HMCES: variants seen among roughly 807,000 people sequenced by gnomAD.
HMCES encodes abasic site processing protein HMCES.
HMCES carries 27 observed loss-of-function variants against 35.1 expected under a neutral mutation model. That is an observed-to-expected ratio of 0.77 (90% CI 0.57 to 1.06). HMCES has a LOEUF of 1.06. Among genes scored for constraint, HMCES ranks in the 50% least tolerant of loss-of-function variants. The pLI, the probability that HMCES is intolerant of heterozygous loss-of-function variation, is 0.00. For synonymous variants in HMCES, 130 were observed against 154.7 expected (o/e 0.84, Z 1.18); for missense variants, 391 against 430.4 (o/e 0.91, Z 0.81).
Position 129,302,097 on chromosome 3 carries a change from C to G in HMCES, c.783C>G (p.Asn261Lys). The change falls in exon 6 of 7, where the codon AAC becomes AAG. Residue 261 changes from asparagine to lysine, a missense_variant. Physicochemically the swap from Asn to Lys is moderately conservative, Grantham distance 94 (BLOSUM62 0). Transcript: ENST00000383463. ...AVSSVVNNSRNNTPECLAPVD... is the reference protein window; with the variant it reads ...AVSSVVNNSRKNTPECLAPVD... Reference sequence around the variant, plus strand: ...CTTCTGTGGTGAACAACTCGCGAAACAACACTCCTGAGTGTCTGGCTCCTG... The same window carrying G: ...CTTCTGTGGTGAACAACTCGCGAAAGAACACTCCTGAGTGTCTGGCTCCTG... The G allele has an allele frequency of 6.2e-7, 1 of 1,614,136 alleles. No homozygotes were observed. The highest frequency in any genetic ancestry group is 8.5e-7 in the Non-Finnish European group (1 of 1,179,998).
At chr3:129,280,942 G>T in intron 2 of HMCES, among the ~76,000 whole-genome samples, 1 of 152,254 alleles carries the variant, frequency 6.6e-6, no homozygotes, top group South Asian at 2.1e-4. Context: ...CGTGATTGTT[G>T]GCTGGGCACG....
intron 3 of HMCES, 28 bp downstream of exon 3, chr3:129,289,025 C>T (rs751798380): frequency 6.7e-6 from 10 of 1,498,038 alleles, no homozygotes; most frequent in Admixed American, 1.8e-5. Flanking sequence ...ATTAGTGCCC[C>T]GTATACCTCA....
At position 129,298,362 on chromosome 3, in the gene HMCES, C is replaced by G. The variant is rs1333699352; in HGVS notation, c.462C>G (p.Ser154Arg). Residue 154 changes from serine to arginine, a missense_variant, in exon 5 of 7, where the codon AGC becomes AGG. Coordinates refer to ENST00000383463, the MANE Select transcript of HMCES (RefSeq NM_020187.3). Reference protein sequence around the residue: ...FPQIKTEKSGSIGAADSPENW... With the variant: ...FPQIKTEKSGRIGAADSPENW... ...ATATATTTTGCTTCCAGTCAGGTAGCATTGGTGCTGCAGATAGTCCTGAGA... is the reference window on the plus strand; with the variant it reads ...ATATATTTTGCTTCCAGTCAGGTAGGATTGGTGCTGCAGATAGTCCTGAGA... 3 of 1,614,186 alleles carry G rather than the reference C, an allele frequency of 1.9e-6. No homozygotes were observed. The highest frequency in any genetic ancestry group is 2.2e-5 in the East Asian group (1 of 44,890).
intron 4 of HMCES, among the ~76,000 whole-genome samples, chr3:129,293,861 G>A (rs963698857): frequency 2.0e-5 from 3 of 152,004 alleles, no homozygotes; most frequent in Non-Finnish European, 4.4e-5. Context: ...GAGCTACTGC[G>A]CCTGGACTTG....
intron 2 of HMCES, among the ~76,000 whole-genome samples, chr3:129,281,462 G>T (rs1482269735): frequency 6.6e-6 from 1 of 151,896 alleles, no homozygotes; most frequent in Non-Finnish European, 1.5e-5. Context: ...AGGCCAAGAC[G>T]GCTGGACCAC....
rs1392389194 is a variant in HMCES, at chr3:129,304,720, G to C, written c.960G>C (p.Gln320His). ...CCCAGTGGTCCAGTCAGTTCCTGCA[G>C]AAGAGTCCACTCCCCACCAAGAGAG... ...DVPQWSSQFL[Q>H]KSPLPTKRGT... Residue 320 changes from glutamine (Q) to histidine (H), a missense_variant, in exon 7 of 7, where the codon CAG (glutamine) becomes CAC (histidine). By Grantham distance (24) the Gln-to-His change is conservative (BLOSUM62 0). Coordinates refer to ENST00000383463, the MANE Select transcript of HMCES (RefSeq NM_020187.3). The C allele has an allele frequency of 1.2e-6, 2 of 1,614,172 alleles. No individual in the cohort carries two copies. The highest frequency in any genetic ancestry group is 1.1e-5 in the South Asian group (1 of 91,072).
intron 2 of HMCES, among the ~76,000 whole-genome samples, chr3:129,282,893 A>G (rs1405814700): frequency 6.6e-6 from 1 of 152,128 alleles, no homozygotes; most frequent in African/African-American, 2.4e-5. Context: ...CTTTTCAACT[A>G]CTTTCTATTC....
At chr3:129,298,705 C>T (rs942954670) in intron 5 of HMCES, among the ~76,000 whole-genome samples, 170 bp downstream of exon 5, 4 of 151,864 alleles carry the variant, frequency 2.6e-5, no homozygotes, top group African/African-American at 4.8e-5. Flanking sequence ...CTATGCAAAA[C>T]GATAGAATAA....
In HMCES at chr3:129,279,739, G is replaced by A. The variant is rs1462010632; in HGVS notation, c.7G>A (p.Gly3Arg). 6.2e-7 allele frequency: 1 copy of A among 1,612,780 alleles called. No homozygotes were observed. Among genetic ancestry groups the A allele is most frequent in the African/African-American group, 1.3e-5 (1 of 74,880 alleles). The change falls in exon 2 of 7, where the codon GGG (glycine) becomes AGG (arginine). Residue 3 changes from glycine to arginine, a missense_variant. Gly to Arg is a moderately radical substitution (Grantham distance 125, BLOSUM62 -2). Coordinates refer to ENST00000383463, the MANE Select transcript of HMCES (RefSeq NM_020187.3). This position sits in a 1 kb window ranked among gnomAD's most constrained non-coding sequence, Gnocchi z 4.2. MC[G>R]RTSCHLPRDV... ...CGAGGGGCGGTGTTGAAGAATGTGTGGGCGAACATCCTGTCACTTACCTAG... is the reference window on the plus strand; with the variant it reads ...CGAGGGGCGGTGTTGAAGAATGTGTAGGCGAACATCCTGTCACTTACCTAG...
chr3:129,304,997 G>A lies in HMCES; in HGVS notation c.*172G>A. On this transcript the variant is annotated 3_prime_UTR_variant, in exon 7 of 7. Transcript: ENST00000383463. ...ATGAGTAGGAGCCCCTAGTGGGGCT[G>A]GTGGACAGCTTTGGAAGAGGTGTCC... 1.6e-6 allele frequency: 1 copy of A among 612,370 alleles called. No individual in the cohort carries two copies. The highest frequency in any genetic ancestry group is 2.9e-6 in the Non-Finnish European group (1 of 348,646). 37.9% of individuals were successfully genotyped at this position (612,370 alleles called of 1,614,324 possible).
chr3:129,297,392 C>A (rs566406264), intron 4 of HMCES, among the ~76,000 whole-genome samples: 2 of 152,002 alleles, frequency 1.3e-5, no homozygotes, highest in Non-Finnish European at 2.9e-5. Context: ...CTAGGCGTGA[C>A]AGGGATTATT....
chr3:129,298,347 C>T lies in HMCES; in HGVS notation c.454-7C>T. ...GCATCTAATCTGCCCATATATTTTGCTTCCAGTCAGGTAGCATTGGTGCTG... is the reference window on the plus strand; with the variant it reads ...GCATCTAATCTGCCCATATATTTTGTTTCCAGTCAGGTAGCATTGGTGCTG... On this transcript the variant is annotated splice_polypyrimidine_tract_variant and splice_region_variant and intron_variant, in intron 4 of 6. Coordinates refer to ENST00000383463, the MANE Select transcript of HMCES (RefSeq NM_020187.3). 1 of 1,614,084 alleles carries T rather than the reference C, an allele frequency of 6.2e-7. No homozygotes were observed. Among genetic ancestry groups the T allele is most frequent in the East Asian group, 2.2e-5 (1 of 44,886 alleles).
chr3:129,279,633 G>A lies in HMCES; in HGVS notation c.-23-77G>A, dbSNP rs998635992. The A allele has an allele frequency of 1.7e-5, 24 of 1,414,004 alleles. No homozygotes were observed. The African/African-American group carries it at 3.5e-4, about 20-fold the overall frequency. 87.6% of individuals were successfully genotyped at this position (1,414,004 alleles called of 1,614,324 possible). A position where few individuals can be genotyped will look rare whatever the true frequency, so the allele number is the denominator to read the frequency against. On this transcript the variant is annotated intron_variant, in intron 1 of 6. Coordinates refer to ENST00000383463, the MANE Select transcript of HMCES (RefSeq NM_020187.3). This position sits in a 1 kb window ranked among gnomAD's most constrained non-coding sequence, Gnocchi z 4.2. ...GGGCACGGCCCTGTGGGAACGGAAA[G>A]AGAAGGCGGGGACTCAAGGAATAAG... is the stretch of plus-strand genomic sequence containing the variant.
chr3:129,292,699 T>A (rs1381165258), intron 4 of HMCES, among the ~76,000 whole-genome samples: 2 of 151,694 alleles, frequency 1.3e-5, no homozygotes, highest in African/African-American at 4.8e-5. Flanking sequence ...TTAGCCAGAA[T>A]GGTCTCAATC....
chr3:129,295,531 AG>A (rs1176056591), intron 4 of HMCES, among the ~76,000 whole-genome samples: 6 of 152,092 alleles, frequency 3.9e-5, no homozygotes, highest in African/African-American at 1.2e-4. Context: ...CACACCCATT[AG>A]TAGTCACTTT....
intron 6 of HMCES, among the ~76,000 whole-genome samples, chr3:129,304,290 A>C (rs1375706903): frequency 6.6e-6 from 1 of 152,174 alleles, no homozygotes; most frequent in African/African-American, 2.4e-5. Context: ...GGTCATGCTG[A>C]ATTACATTCT....
chr3:129,279,254 G>A lies in HMCES; in HGVS notation c.-24+349G>A, dbSNP rs1940383168. On this transcript the variant is annotated intron_variant, in intron 1 of 6. Transcript: ENST00000383463. The surrounding 1 kb of genome is among the most constrained non-coding windows in gnomAD (Gnocchi z 4.2). ...TGCGGACTAGCGGGCGGGAGGCGGG[G>A]ATTCTGCACCCCGGCCCCGGGCCGT... is the stretch of plus-strand genomic sequence containing the variant. The A allele has an allele frequency of 6.4e-6, 1 of 156,408 alleles. No individual in the cohort carries two copies. Among genetic ancestry groups the A allele is most frequent in the African/African-American group, 2.4e-5 (1 of 41,490 alleles). 9.7% of individuals were successfully genotyped at this position (156,408 alleles called of 1,614,324 possible).
intron 5 of HMCES, 94 bp from the exon 6 acceptor site, chr3:129,301,856 G>A (rs2071172771): frequency 4.0e-6 from 4 of 1,001,978 alleles, no homozygotes; most frequent in Non-Finnish European, 6.0e-6. Context: ...CTCCCCTTGT[G>A]ATATTTGAGG....
chr3:129,286,573 A>C (rs1037998297), intron 2 of HMCES, among the ~76,000 whole-genome samples: 2 of 152,218 alleles, frequency 1.3e-5, no homozygotes, highest in Non-Finnish European at 2.9e-5. Context: ...TAGTATCAGA[A>C]ATTCAACATA....
Sources: gnomAD v4.1 joint callset for allele counts (sites outside exome capture counted in the v4.1 genomes callset) on GRCh38, gnomAD v4.1.1 for gene constraint, Gnocchi (gnomAD v3.1) non-coding constraint, MANE v1.5 for transcripts, NCBI Gene and HGNC (gene_info 2026-07-23, HGNC 2026-07-21) for gene names.